Variants in CUX1 observed in about 807,000 individuals in gnomAD.
CUX1 encodes the protein protein CASP.
CUX1 carries 31 observed loss-of-function variants against 158.8 expected under a neutral mutation model. That is an observed-to-expected ratio of 0.20 (90% CI 0.15 to 0.26). The LOEUF is 0.26. Ranked by LOEUF, CUX1 falls within the 10% of genes least tolerant of loss-of-function variation. The probability of loss-of-function intolerance (pLI) is 1.00; values close to 1 mark genes in which losing one functional copy is unlikely to be tolerated. For missense variants in CUX1, 1,589 were observed against 2,014.6 expected (o/e 0.79, Z 4.04); for synonymous variants, 879 against 862.1 (o/e 1.02, Z -0.34).
intron 3 of CUX1, among the ~76,000 whole-genome samples, chr7:102,051,609 C>T (rs1823506135): frequency 6.8e-6 from 1 of 147,742 alleles, no homozygotes; most frequent in Non-Finnish European, 1.5e-5. Context: ...GAGCCAAGAT[C>T]GTGCCTCTGC....
At chr7:101,919,109 A>G (rs752168493) in intron 2 of CUX1, among the ~76,000 whole-genome samples, 14 of 152,072 alleles carry the variant, frequency 9.2e-5, no homozygotes, top group Non-Finnish European at 1.8e-4. Flanking sequence ...ACCACATAAG[A>G]CCAGAACAGT....
At chr7:102,002,941 A>G (rs1224087391) in intron 2 of CUX1, among the ~76,000 whole-genome samples, 4 of 151,844 alleles carry the variant, frequency 2.6e-5, no homozygotes, top group African/African-American at 9.7e-5. Flanking sequence ...TTGCTCTGTC[A>G]CCCAGGCTGG....
intron 10 of CUX1, among the ~76,000 whole-genome samples, chr7:102,176,564 T>G (rs1792369913): frequency 7.5e-6 from 1 of 133,186 alleles, no homozygotes; most frequent in Admixed American, 7.4e-5. Flanking sequence ...ATTCCTTTTT[T>G]TTTTTTTTTT....
chr7:102,123,470 G>T (rs1363195525), intron 8 of CUX1, among the ~76,000 whole-genome samples: 1 of 151,624 alleles, frequency 6.6e-6, no homozygotes, highest in Non-Finnish European at 1.5e-5. Flanking sequence ...TGAGCCAGGC[G>T]TGGTGGCGGG....
chr7:102,028,777 G>A (rs564952794), intron 3 of CUX1, among the ~76,000 whole-genome samples: 2 of 152,196 alleles, frequency 1.3e-5, no homozygotes, highest in Non-Finnish European at 2.9e-5. Context: ...TGGGCTCCAC[G>A]TGAGTGACAC....
At chr7:101,908,296 C>A (rs1221976139) in intron 1 of CUX1, among the ~76,000 whole-genome samples, 1 of 152,216 alleles carries the variant, frequency 6.6e-6, no homozygotes, top group Non-Finnish European at 1.5e-5. Context: ...CCCGCATGCA[C>A]CACCATGCCT....
chr7:101,837,120 T>TA (rs1253884785), intron 1 of CUX1, among the ~76,000 whole-genome samples: 2 of 152,334 alleles, frequency 1.3e-5, no homozygotes, highest in African/African-American at 4.8e-5. Context: ...GGCATGGACT[T>TA]ACAGTGACAT....
At chr7:102,204,306 C>T in intron 18 of CUX1, 85 bp from the exon 19 acceptor site, 15 of 1,541,080 alleles carry the variant, frequency 9.7e-6, no homozygotes, top group South Asian at 1.2e-5. Flanking sequence ...GCGCCCTCTG[C>T]GTGGTGGGTG....
chr7:102,072,301 G>T (rs527826894), intron 4 of CUX1, among the ~76,000 whole-genome samples: 2 of 152,182 alleles, frequency 1.3e-5, no homozygotes, highest in Non-Finnish European at 2.9e-5. Flanking sequence ...TGAAGTGGTG[G>T]CCCTCATTCA....
At chr7:102,040,938 G>A (rs561493934) in intron 3 of CUX1, among the ~76,000 whole-genome samples, 2 of 152,164 alleles carry the variant, frequency 1.3e-5, no homozygotes, top group Non-Finnish European at 1.5e-5. Flanking sequence ...TACTTTGGTT[G>A]ACTATCGCTA....
At chr7:101,935,931 A>G (rs1186662659) in intron 2 of CUX1, among the ~76,000 whole-genome samples, 3 of 152,210 alleles carry the variant, frequency 2.0e-5, no homozygotes, top group African/African-American at 4.8e-5. Flanking sequence ...GAGCCGGAAC[A>G]GCTGAGACAC....
intron 12 of CUX1, among the ~76,000 whole-genome samples, chr7:102,190,548 G>A (rs1008748316): frequency 1.3e-5 from 2 of 152,062 alleles, no homozygotes; most frequent in South Asian, 2.1e-4. Flanking sequence ...GACCCTCTAC[G>A]TTCATACAGC....
intron 1 of CUX1, among the ~76,000 whole-genome samples, chr7:101,825,690 G>A (rs998258746): frequency 8.6e-5 from 13 of 151,758 alleles, no homozygotes; most frequent in African/African-American, 2.2e-4. Context: ...ATTGTTTTAC[G>A]TGGCTCTGTG....
At chr7:101,891,008 G>T (rs112527054) in intron 1 of CUX1, among the ~76,000 whole-genome samples, 1 of 151,888 alleles carries the variant, frequency 6.6e-6, no homozygotes, top group African/African-American at 2.4e-5. Flanking sequence ...GAGCGGGGGC[G>T]GGGGGAATAT....
chr7:101,841,517 T>G (rs1795197951), intron 1 of CUX1, among the ~76,000 whole-genome samples: 1 of 151,990 alleles, frequency 6.6e-6, no homozygotes, highest in South Asian at 2.1e-4. Context: ...TTTTCTAACT[T>G]ATTTTTTTGA....
intron 2 of CUX1, among the ~76,000 whole-genome samples, chr7:102,010,863 C>CT (rs1817918126): frequency 6.6e-6 from 1 of 152,148 alleles, no homozygotes; most frequent in Non-Finnish European, 1.5e-5. Flanking sequence ...GTAGTCCCAG[C>CT]ACATTGGGAG....
intron 3 of CUX1, among the ~76,000 whole-genome samples, chr7:102,065,722 G>T (rs1211000905): frequency 6.6e-6 from 1 of 152,134 alleles, no homozygotes; most frequent in Non-Finnish European, 1.5e-5. Flanking sequence ...TCTGATGAGT[G>T]GAGGAACACT....
intron 1 of CUX1, among the ~76,000 whole-genome samples, chr7:101,910,744 C>CAAA (rs77729111): frequency 9.4e-6 from 1 of 106,148 alleles, no homozygotes; most frequent in Admixed American, 8.7e-5. Flanking sequence ...AAGACTGTCT[C>CAAA]AAAAAAAAAA....
chr7:102,147,308 A>G (rs1327961052), intron 8 of CUX1, among the ~76,000 whole-genome samples: 1 of 152,080 alleles, frequency 6.6e-6, no homozygotes, highest in Non-Finnish European at 1.5e-5. Flanking sequence ...TCCCCGAAAA[A>G]CACTCTCTCC....
Sources: gnomAD v4.1 joint callset for allele counts (sites outside exome capture counted in the v4.1 genomes callset) on GRCh38, gnomAD v4.1.1 for gene constraint, MANE v1.5 for transcripts, NCBI Gene and HGNC (gene_info 2026-07-23, HGNC 2026-07-21) for gene names.